B3GNT4: variants seen among roughly 807,000 people sequenced by gnomAD.
The protein encoded by B3GNT4 is N-acetyllactosaminide beta-1,3-N-acetylglucosaminyltransferase 4.
In B3GNT4, 2 loss-of-function variants were observed where a neutral mutation model predicts 2.7. The observed-to-expected ratio is 0.73, with a 90% CI of 0.30 to 2.31. B3GNT4 has a LOEUF of 2.31. Ranked by LOEUF, B3GNT4 falls within the 30% of genes most tolerant of loss-of-function variation. The pLI is 0.12. For synonymous variants in B3GNT4, 280 were observed against 203.4 expected, an observed-to-expected ratio of 1.38 and a Z score of -3.20; for missense variants, 708 against 490.9, an observed-to-expected ratio of 1.44 and a Z score of -4.18.
At position 122,207,584 on chromosome 12, in the gene B3GNT4, T is replaced by C. The variant is rs1953951986; in HGVS notation, c.*196T>C. ...TGAATGGGAGCCAAAGTGTAGCAAA[T>C]GCTGCCAGGAACCTGTCGGGGCATT... On this transcript the variant is annotated 3_prime_UTR_variant, in exon 3 of 3. Transcript: ENST00000324189. 1 of 661,844 alleles carries C rather than the reference T, an allele frequency of 1.5e-6. No homozygotes were observed. Among genetic ancestry groups the C allele is most frequent in the Non-Finnish European group, 2.6e-6 (1 of 391,436 alleles). The allele number at this position is 661,844 out of a possible 1,614,324, so 41.0% of individuals were successfully genotyped here. A position where few individuals can be genotyped will look rare whatever the true frequency, so the allele number is the denominator to read the frequency against.
chr12:122,208,197 GGTCCA>G lies in B3GNT4; in HGVS notation c.*811_*815del. Reference sequence around the variant, plus strand: ...TGCAGTGCCCAAGGGCTAAGAACCAGGTCCAGCGCAAGCCTGAGACCACAGGAGGC... The same window carrying G: ...TGCAGTGCCCAAGGGCTAAGAACCAGGCGCAAGCCTGAGACCACAGGAGGC... On this transcript the variant is annotated 3_prime_UTR_variant, in exon 3 of 3. Coordinates refer to ENST00000324189, the MANE Select transcript of B3GNT4 (RefSeq NM_030765.4). 1 of 739,712 alleles carries G rather than the reference GGTCCA, an allele frequency of 1.4e-6. No individual in the cohort carries two copies. Among genetic ancestry groups the G allele is most frequent in the South Asian group, 1.5e-5 (1 of 67,620 alleles). The allele number at this position is 739,712 out of a possible 1,614,324, so 45.8% of individuals were successfully genotyped here. A position where few individuals can be genotyped will look rare whatever the true frequency, so the allele number is the denominator to read the frequency against.
At position 122,205,979 on chromosome 12, in the gene B3GNT4, C is replaced by T. The variant is rs1953908353; in HGVS notation, c.67-339C>T. On this transcript the variant is annotated intron_variant, in intron 2 of 2. Coordinates refer to ENST00000324189, the MANE Select transcript of B3GNT4 (RefSeq NM_030765.4). ...CTTAGTGAATTTGATCCAAGCTAAACTGAGTCTGTGCCTAAAACTCATCAG... is the reference window on the plus strand; with the variant it reads ...CTTAGTGAATTTGATCCAAGCTAAATTGAGTCTGTGCCTAAAACTCATCAG... 1.6e-5 allele frequency: 5 copies of T among 303,770 alleles called. No individual in the cohort carries two copies. The East Asian group carries it at 2.8e-4, about 17-fold the overall frequency. 18.8% of individuals were successfully genotyped at this position (303,770 alleles called of 1,614,324 possible).
Position 122,208,037 on chromosome 12 carries a change from T to TAAAC in B3GNT4, c.*651_*654dup, listed in dbSNP as rs1170048251. On this transcript the variant is annotated 3_prime_UTR_variant, in exon 3 of 3. Coordinates refer to ENST00000324189, the MANE Select transcript of B3GNT4 (RefSeq NM_030765.4). The stretch of plus-strand genomic sequence containing the variant: ...GACGTAAATAAGACTGAAAACAGGT[T>TAAAC]AAACAGTTGCTGAACTTAAGGGCAT... The TAAAC allele has an allele frequency of 9.4e-6, 5 of 532,192 alleles. No homozygotes were observed. The highest frequency in any genetic ancestry group is 1.4e-5 in the Non-Finnish European group (4 of 278,794). The allele number at this position is 532,192 out of a possible 1,614,324, so 33.0% of individuals were successfully genotyped here.
chr12:122,206,367 C>T lies in B3GNT4; in HGVS notation c.116C>T (p.Ala39Val), dbSNP rs1953915348. 1.2e-6 allele frequency: 2 copies of T among 1,607,130 alleles called. No homozygotes were observed. Among genetic ancestry groups the T allele is most frequent in the Middle Eastern group, 1.7e-4 (1 of 5,998 alleles). The stretch of plus-strand genomic sequence containing the variant: ...TGCTGGCTGGTCTCGTACAGCTTGG[C>T]TGTGCTGTTGCTCGGCTGCCTGCTC... ...RLCWLVSYSL[A>V]VLLLGCLLFL... Residue 39 changes from alanine to valine, a missense_variant, in exon 3 of 3, where the codon GCT becomes GTT. Coordinates refer to ENST00000324189, the MANE Select transcript of B3GNT4 (RefSeq NM_030765.4).
In B3GNT4 at chr12:122,208,515, C is replaced by T. The variant is rs1953992390; in HGVS notation, c.*1127C>T. ...GCTTTCCGGGAGAGCTGGTGCACCTCTTCCACCTGCAGTTTCACCAGCTGA... is the reference window on the plus strand; with the variant it reads ...GCTTTCCGGGAGAGCTGGTGCACCTTTTCCACCTGCAGTTTCACCAGCTGA... On this transcript the variant is annotated 3_prime_UTR_variant, in exon 3 of 3. Coordinates refer to ENST00000324189, the MANE Select transcript of B3GNT4 (RefSeq NM_030765.4). 1 of 1,614,014 alleles carries T rather than the reference C, an allele frequency of 6.2e-7. No individual in the cohort carries two copies. The highest frequency in any genetic ancestry group is 8.5e-7 in the Non-Finnish European group (1 of 1,180,048).
intron 1 of B3GNT4, among the ~76,000 whole-genome samples, chr12:122,204,275 C>G (rs780861042): frequency 1.5e-3 from 226 of 152,102 alleles, no homozygotes; most frequent in Non-Finnish European, 2.6e-3. Context: ...GCCTCAGGAC[C>G]CGCGCCCCAC....
chr12:122,203,792 T>TGGTAGGTAC lies in B3GNT4; in HGVS notation c.-107_-106insGGTAGGTAC, dbSNP rs1174104466. The stretch of plus-strand genomic sequence containing the variant: ...CGAGCTCCACGCCCGTACCCCGGCG[T>TGGTAGGTAC]CACGCTCAGGTAGGTTGGGGGCCGG... On this transcript the variant is annotated 5_prime_UTR_variant, in exon 1 of 3. Coordinates refer to ENST00000324189, the MANE Select transcript of B3GNT4 (RefSeq NM_030765.4). 5.4e-6 allele frequency: 1 copy of TGGTAGGTAC among 184,494 alleles called. No homozygotes were observed. The highest frequency in any genetic ancestry group is 1.3e-4 in the East Asian group (1 of 7,962). The allele number at this position is 184,494 out of a possible 1,614,324, so 11.4% of individuals were successfully genotyped here.
In B3GNT4 at chr12:122,206,539, C is replaced by G. The variant is rs780533004; in HGVS notation, c.288C>G (p.Phe96Leu). The change falls in exon 3 of 3, where the codon TTC becomes TTG. Residue 96 changes from phenylalanine (F) to leucine (L), a missense_variant. Coordinates refer to ENST00000324189, the MANE Select transcript of B3GNT4 (RefSeq NM_030765.4). ...SLSLPSRHRLFLTYRHCRNFS... is the reference protein window; with the variant it reads ...SLSLPSRHRLLLTYRHCRNFS... ...CCCTGCCTAGCCGTCACCGTCTCTT[C>G]TTGACCTATCGTCACTGCCGAAATT... 2 of 1,614,244 alleles carry G rather than the reference C, an allele frequency of 1.2e-6. No individual in the cohort carries two copies. The highest frequency in any genetic ancestry group is 1.6e-4 in the Middle Eastern group (1 of 6,062).
At position 122,208,236 on chromosome 12, in the gene B3GNT4, C is replaced by T. The variant is rs756371055; in HGVS notation, c.*848C>T. On this transcript the variant is annotated 3_prime_UTR_variant, in exon 3 of 3. Transcript: ENST00000324189. The stretch of plus-strand genomic sequence containing the variant: ...CTGAGACCACAGGAGGCACTCACAG[C>T]TCACAAAGGCGTCTCGCCTGATTGG... 8.5e-6 allele frequency: 8 copies of T among 941,316 alleles called. No individual in the cohort carries two copies. The highest frequency in any genetic ancestry group is 1.3e-5 in the Non-Finnish European group (8 of 603,684). 58.3% of individuals were successfully genotyped at this position (941,316 alleles called of 1,614,324 possible).
In B3GNT4 at chr12:122,207,910, T is replaced by C. The variant is rs933819271; in HGVS notation, c.*522T>C. On this transcript the variant is annotated 3_prime_UTR_variant, in exon 3 of 3. Coordinates refer to ENST00000324189, the MANE Select transcript of B3GNT4 (RefSeq NM_030765.4). ...CAGTGGGGGCAGATCAGAGAACACATCAGAAATACATACAAAGAAATCGTA... is the reference window on the plus strand; with the variant it reads ...CAGTGGGGGCAGATCAGAGAACACACCAGAAATACATACAAAGAAATCGTA... 1.7e-5 allele frequency: 8 copies of C among 460,204 alleles called. No individual in the cohort carries two copies. The Admixed American group carries it at 1.9e-4, about 11-fold the overall frequency. The allele number at this position is 460,204 out of a possible 1,614,324, so 28.5% of individuals were successfully genotyped here. A position where few individuals can be genotyped will look rare whatever the true frequency, so the allele number is the denominator to read the frequency against.
chr12:122,208,856 C>T lies in B3GNT4; in HGVS notation c.*1468C>T, dbSNP rs188462800. On this transcript the variant is annotated 3_prime_UTR_variant, in exon 3 of 3. Coordinates refer to ENST00000324189, the MANE Select transcript of B3GNT4 (RefSeq NM_030765.4). ...CACAATCATCTTTATAGCTACAGAG[C>T]TTTTAGTACAGACCTTTGATTAATT... is the stretch of plus-strand genomic sequence containing the variant. 104 of 537,932 alleles carry T rather than the reference C, an allele frequency of 1.9e-4. 1 individual carries two copies. Among genetic ancestry groups the T allele is most frequent in the African/African-American group, 1.6e-3 (86 of 52,964 alleles). 33.3% of individuals were successfully genotyped at this position (537,932 alleles called of 1,614,324 possible).
Position 122,203,725 on chromosome 12 carries a change from A to G in B3GNT4, c.-174A>G. 1 of 279,510 alleles carries G rather than the reference A, an allele frequency of 3.6e-6. No homozygotes were observed. The highest frequency in any genetic ancestry group is 6.6e-6 in the Non-Finnish European group (1 of 151,694). The allele number at this position is 279,510 out of a possible 1,614,324, so 17.3% of individuals were successfully genotyped here. A position where few individuals can be genotyped will look rare whatever the true frequency, so the allele number is the denominator to read the frequency against. On this transcript the variant is annotated 5_prime_UTR_variant, in exon 1 of 3. Coordinates refer to ENST00000324189, the MANE Select transcript of B3GNT4 (RefSeq NM_030765.4). Reference sequence around the variant, plus strand: ...GCCCCGCCCACTCCCGAGCCCCGAGAGCTCCGCGCACCTGGGCGCCATCCG... The same window carrying G: ...GCCCCGCCCACTCCCGAGCCCCGAGGGCTCCGCGCACCTGGGCGCCATCCG...
At position 122,206,421 on chromosome 12, in the gene B3GNT4, G is replaced by C; in HGVS notation, c.170G>C (p.Gly57Ala). 5.0e-6 allele frequency: 8 copies of C among 1,613,840 alleles called. No homozygotes were observed. The highest frequency in any genetic ancestry group is 6.8e-6 in the Non-Finnish European group (8 of 1,179,964). ...CTGAGGAAGGCGGCCAAGCCCGCAG[G>C]AGACCCCACGGCCCACCAGCCTTTC... ...LFLRKAAKPA[G>A]DPTAHQPFWA... The change falls in exon 3 of 3, where the codon GGA becomes GCA. Residue 57 changes from glycine to alanine, a missense_variant. Coordinates refer to ENST00000324189, the MANE Select transcript of B3GNT4 (RefSeq NM_030765.4).
At chr12:122,204,481 G>A in intron 1 of B3GNT4, 41 bp from the exon 2 acceptor site, 1 of 752,282 alleles carries the variant, frequency 1.3e-6, no homozygotes, top group South Asian at 1.5e-5. Flanking sequence ...CGCCCTTCTC[G>A]GTGAATGGCA....
At chr12:122,206,127 C>T (rs1159659964) in intron 2 of B3GNT4, 191 bp from the exon 3 acceptor site, 10 of 519,554 alleles carry the variant, frequency 1.9e-5, no homozygotes, top group Non-Finnish European at 3.3e-5. Flanking sequence ...AGGGCAAGGG[C>T]TGGCAAAGCA....
intron 2 of B3GNT4, 158 bp from the exon 3 acceptor site, chr12:122,206,160 G>A: frequency 1.7e-6 from 1 of 596,696 alleles, no homozygotes; most frequent in African/African-American, 1.9e-5. Flanking sequence ...CCATCCTCAG[G>A]GGAGGGAGGA....
chr12:122,207,144 C>A lies in B3GNT4; in HGVS notation c.893C>A (p.Ala298Asp). 1 of 1,614,064 alleles carries A rather than the reference C, an allele frequency of 6.2e-7. No individual in the cohort carries two copies. Among genetic ancestry groups the A allele is most frequent in the Non-Finnish European group, 8.5e-7 (1 of 1,179,976 alleles). Residue 298 changes from alanine to aspartate, a missense_variant, in exon 3 of 3, where the codon GCT becomes GAT. By Grantham distance (126) the Ala-to-Asp change is moderately radical. Coordinates refer to ENST00000324189, the MANE Select transcript of B3GNT4 (RefSeq NM_030765.4). ...VRRLQAIMED[A>D]ELFPIDDVFV... ...CGCCTCCAGGCTATCATGGAAGATG[C>A]TGAACTCTTCCCCATTGATGATGTC...
chr12:122,204,408 CA>C, intron 1 of B3GNT4, 113 bp from the exon 2 acceptor site: 1 of 531,006 alleles, frequency 1.9e-6, no homozygotes. Flanking sequence ...GGACAGGGGC[CA>C]CCCGGGCCGC....
In B3GNT4 at chr12:122,204,633, G is replaced by A; in HGVS notation, c.15G>A (p.Gln5=). The A allele has an allele frequency of 6.2e-7, 1 of 1,611,752 alleles. No homozygotes were observed. Among genetic ancestry groups the A allele is most frequent in the Middle Eastern group, 1.7e-4 (1 of 6,044 alleles). Residue 5 remains glutamine (Q), a synonymous_variant, in exon 2 of 3, where the codon CAG becomes CAA. Coordinates refer to ENST00000324189, the MANE Select transcript of B3GNT4 (RefSeq NM_030765.4). MLPP[Q]PSAAHQGRGG... is the part of the protein sequence containing the mutation. The stretch of plus-strand genomic sequence containing the variant: ...AGCTGCCGTTCATGCTTCCTCCCCA[G>A]CCTTCCGCAGCCCACCAGGGAAGGG...
Sources: gnomAD v4.1 joint callset for allele counts (sites outside exome capture counted in the v4.1 genomes callset) on GRCh38, gnomAD v4.1.1 for gene constraint, MANE v1.5 for transcripts, NCBI Gene and HGNC (gene_info 2026-07-23, HGNC 2026-07-21) for gene names.